The following RBM4 variants were observed in gnomAD, a reference collection of about 807,000 sequenced individuals.
The protein encoded by RBM4 is RNA-binding protein 4.
Under a neutral mutation model 29.5 loss-of-function variants are expected in RBM4, and 7 were observed. The observed-to-expected ratio is 0.24, with a 90% CI of 0.14 to 0.45. RBM4 has a LOEUF of 0.45. Among genes scored for constraint, RBM4 ranks in the 20% least tolerant of loss-of-function variants. The probability of loss-of-function intolerance (pLI) is 1.00; values close to 1 mark genes in which losing one functional copy is unlikely to be tolerated. For missense variants in RBM4, 387 were observed against 502.3 expected, an observed-to-expected ratio of 0.77 and a Z score of 2.19; for synonymous variants, 220 against 205.4, an observed-to-expected ratio of 1.07 and a Z score of -0.61.
At chr11:66,646,518 A>G (rs1590866953), downstream of RBM4, 4 of 988,932 alleles carry the variant, frequency 4.0e-6, no homozygotes, top group East Asian at 3.4e-4. Flanking sequence ...TTGGGGGTTC[A>G]TTTGTACCTT....
intron 2 of RBM4, among the ~76,000 whole-genome samples, chr11:66,656,552 C>G (rs1011050295): frequency 2.0e-5 from 3 of 152,150 alleles, no homozygotes; most frequent in Non-Finnish European, 4.4e-5. Context: ...GCTGAGGTTA[C>G]AGGCATGAGC....
At chr11:66,644,851 C>T in intron 3 of RBM4, 1 of 279,402 alleles carries the variant, frequency 3.6e-6, no homozygotes, top group Non-Finnish European at 5.4e-6. Context: ...CAGATTTATT[C>T]CCTGAATAGA....
In RBM4 at chr11:66,653,694, T is replaced by C. The variant is rs141491668; in HGVS notation, c.413-12162T>C. On this transcript the variant is annotated intron_variant, in intron 2 of 2. Coordinates refer to the RBM4 transcript ENST00000396053. Reference sequence around the variant, plus strand: ...TAGCTTTTATTGTAAGAATACAGTATACATATAACACACAAAATATGTTAA... The same window carrying C: ...TAGCTTTTATTGTAAGAATACAGTACACATATAACACACAAAATATGTTAA... Among the ~76,000 whole-genome samples the C allele has an allele frequency of 5.4e-3, 825 of 152,290 alleles. 5 individuals are homozygous for C. The highest frequency in any genetic ancestry group is 7.7e-3 in the Non-Finnish European group (525 of 68,018).
intron 2 of RBM4, among the ~76,000 whole-genome samples, chr11:66,653,654 G>A (rs542636179): frequency 2.6e-5 from 4 of 152,042 alleles, no homozygotes; most frequent in Non-Finnish European, 4.4e-5. Flanking sequence ...GACCCACCGC[G>A]CCCAACCTTT....
rs1344840441 is a variant in RBM4 at position 66,665,504 on chromosome 11, CCGGCAAAGGGGA to C, written c.413-350_413-339del. 10 of 1,151,888 alleles carry C rather than the reference CCGGCAAAGGGGA, an allele frequency of 8.7e-6. No homozygotes were observed. The African/African-American group carries it at 1.5e-4, about 18-fold the overall frequency. The allele number at this position is 1,151,888 out of a possible 1,614,324, so 71.4% of individuals were successfully genotyped here. On this transcript the variant is annotated intron_variant, in intron 2 of 2. Coordinates refer to the RBM4 transcript ENST00000396053. ...TGAAACATGAAGCAATGGAAACATC[CCGGCAAAGGGGA>C]CCGCGCGGAGCAAGTTCTCATATAT... is the stretch of plus-strand genomic sequence containing the variant.
chr11:66,639,346 C>G, intron 1 of RBM4: 1 of 229,024 alleles, frequency 4.4e-6, no homozygotes, highest in Non-Finnish European at 8.6e-6. Context: ...GTCAGCAAGC[C>G]TAGTAGACTT....
intron 2 of RBM4, among the ~76,000 whole-genome samples, chr11:66,660,560 T>C (rs962808198): frequency 6.6e-6 from 1 of 151,942 alleles, no homozygotes; most frequent in Non-Finnish European, 1.5e-5. Flanking sequence ...CTGGCTGGTC[T>C]CAAACTCCAG....
intron 3 of RBM4, among the ~76,000 whole-genome samples, chr11:66,645,138 C>G (rs1226438114): frequency 6.6e-6 from 1 of 152,182 alleles, no homozygotes; most frequent in Non-Finnish European, 1.5e-5. Flanking sequence ...CTTGAGCCAG[C>G]AGCTCTACCC....
At chr11:66,665,565 C>T (rs776961431) in intron 2 of RBM4, 8 of 1,534,082 alleles carry the variant, frequency 5.2e-6, no homozygotes, top group African/African-American at 2.7e-5. Flanking sequence ...GGGTTCAGTC[C>T]GCAATTATCC....
At chr11:66,649,766 T>TG, downstream of RBM4, 1 of 701,964 alleles carries the variant, frequency 1.4e-6, no homozygotes, top group Non-Finnish European at 2.6e-6. Flanking sequence ...AGCTGCAGTG[T>TG]GGTGGCATGA....
chr11:66,651,570 G>A (rs1487534784), intron 2 of RBM4, among the ~76,000 whole-genome samples: 4 of 152,032 alleles, frequency 2.6e-5, no homozygotes, highest in African/African-American at 4.8e-5. Flanking sequence ...GGATGGTCTC[G>A]ATCTCCTGAC....
At chr11:66,644,238 A>G in intron 3 of RBM4, 98 bp downstream of exon 3, 1 of 1,477,392 alleles carries the variant, frequency 6.8e-7, no homozygotes, top group Non-Finnish European at 9.0e-7. Flanking sequence ...TTGCTTTTGC[A>G]GGGTTAGGGG....
Sources: allele counts gnomAD v4.1 joint callset (sites outside exome capture counted in the v4.1 genomes callset), GRCh38; gene constraint gnomAD v4.1.1; transcripts MANE v1.5; gene names NCBI Gene and HGNC (gene_info 2026-07-23, HGNC 2026-07-21).